The following ZNF763 variants were observed in gnomAD, a reference collection of about 807,000 sequenced individuals.
ZNF763 encodes zinc finger protein 763.
In ZNF763, 33 loss-of-function variants were observed where a neutral mutation model predicts 38.0. That is an observed-to-expected ratio of 0.87 (90% confidence interval 0.66 to 1.16). The LOEUF (loss-of-function observed/expected upper bound fraction) is 1.16, where lower values mean the gene tolerates loss of function less well. Among genes scored for constraint, ZNF763 ranks in the 50% most tolerant of loss-of-function variants. ZNF763 has a pLI of 0.00. For missense variants in ZNF763, 423 were observed against 469.1 expected (o/e 0.90, Z 0.91); for synonymous variants, 155 against 160.1 (o/e 0.97, Z 0.24).
At chr19:11,978,086 C>T in intron 3 of ZNF763, 30 bp from the exon 4 acceptor site, 1 of 1,598,264 alleles carries the variant, frequency 6.3e-7, no homozygotes, top group South Asian at 1.1e-5. Context: ...ACTCATAAAC[C>T]CTTCATAATG....
intron 1 of ZNF763, among the ~76,000 whole-genome samples, chr19:11,968,677 G>A (rs1054855291): frequency 1.3e-5 from 2 of 152,120 alleles, no homozygotes; most frequent in African/African-American, 4.8e-5. Flanking sequence ...TAGCCATGGA[G>A]TCTTTGTGTG....
In ZNF763 at chr19:11,980,200, T is replaced by C; in HGVS notation, c.*1091T>C. On this transcript the variant is annotated 3_prime_UTR_variant, in exon 4 of 4. Coordinates refer to ENST00000358987, the MANE Select transcript of ZNF763 (RefSeq NM_001367172.2). ...TTCAAGACTGGCCTGATCAATATGA[T>C]GAAACCCCTGTCTCTACTAAAACTA... The C allele has an allele frequency of 2.1e-6, 1 of 478,140 alleles. No homozygotes were observed. Among genetic ancestry groups the C allele is most frequent in the African/African-American group, 2.0e-5 (1 of 49,926 alleles). The allele number at this position is 478,140 out of a possible 1,614,324, so 29.6% of individuals were successfully genotyped here.
chr19:11,979,010 C>A lies in ZNF763; in HGVS notation c.1086C>A (p.His362Gln), dbSNP rs149371993. The A allele has an allele frequency of 6.2e-7, 1 of 1,614,200 alleles. No individual in the cohort carries two copies. Among genetic ancestry groups the A allele is most frequent in the East Asian group, 2.2e-5 (1 of 44,888 alleles). Residue 362 changes from histidine to glutamine, a missense_variant, in exon 4 of 4, where the codon CAC becomes CAA. By Grantham distance (24) the His-to-Gln change is conservative. Coordinates refer to ENST00000358987, the MANE Select transcript of ZNF763 (RefSeq NM_001367172.2). ...PSSLRRHERT[H>Q]SAKKPYECKQ... ...CCCTTCGTAGACATGAAAGGACCCACTCTGCGAAAAAACCTTATGAATGTA... is the reference window on the plus strand; with the variant it reads ...CCCTTCGTAGACATGAAAGGACCCAATCTGCGAAAAAACCTTATGAATGTA...
At chr19:11,966,174 G>T (rs1043787532) in intron 1 of ZNF763, among the ~76,000 whole-genome samples, 4 of 152,158 alleles carry the variant, frequency 2.6e-5, no homozygotes, top group African/African-American at 9.7e-5. Flanking sequence ...GCCACAAGGA[G>T]TCTGTTTTTC....
chr19:11,978,545 A>G lies in ZNF763; in HGVS notation c.621A>G (p.Lys207=), dbSNP rs1161629646. ...CTTATAAATGTAAGTTTTGTGGGAAAGCTGTCCATTGTCTCAGATTATATC... is the reference window on the plus strand; with the variant it reads ...CTTATAAATGTAAGTTTTGTGGGAAGGCTGTCCATTGTCTCAGATTATATC... ...DGPYKCKFCG[K]AVHCLRLYLI... Residue 207 remains lysine, a synonymous_variant, in exon 4 of 4, where the codon AAA becomes AAG. Coordinates refer to ENST00000358987, the MANE Select transcript of ZNF763 (RefSeq NM_001367172.2). 3.7e-6 allele frequency: 6 copies of G among 1,614,116 alleles called. No homozygotes were observed. The highest frequency in any genetic ancestry group is 1.3e-5 in the African/African-American group (1 of 74,950).
rs1019621036 is a variant in ZNF763 at position 11,967,016 on chromosome 19, A to G, written c.3+1805A>G. On this transcript the variant is annotated intron_variant, in intron 1 of 3. Coordinates refer to ENST00000358987, the MANE Select transcript of ZNF763 (RefSeq NM_001367172.2). ...AGGAAGGAATTCAAGACAAGTCGCAATGTACAGTGTGTAGAGAGTTTATTG... is the reference window on the plus strand; with the variant it reads ...AGGAAGGAATTCAAGACAAGTCGCAGTGTACAGTGTGTAGAGAGTTTATTG... 3.3e-5 allele frequency among the ~76,000 whole-genome samples: 5 copies of G among 152,290 alleles called. No homozygotes were observed. The East Asian group carries it at 7.7e-4, about 24-fold the overall frequency.
chr19:11,977,221 A>T, intron 2 of ZNF763, 57 bp downstream of exon 2: 1 of 1,609,428 alleles, frequency 6.2e-7, no homozygotes, highest in Non-Finnish European at 8.5e-7. Context: ...TTTCTAGCTC[A>T]TGAATGCTGT....
rs941918045 is a variant in ZNF763, at chr19:11,980,027, C to T, written c.*918C>T. 70 of 1,084,490 alleles carry T rather than the reference C, an allele frequency of 6.5e-5. No individual in the cohort carries two copies. The African/African-American group carries it at 8.2e-4, about 13-fold the overall frequency. 67.2% of individuals were successfully genotyped at this position (1,084,490 alleles called of 1,614,324 possible). On this transcript the variant is annotated 3_prime_UTR_variant, in exon 4 of 4. Coordinates refer to ENST00000358987, the MANE Select transcript of ZNF763 (RefSeq NM_001367172.2). ...AGCCTTTATTTCTTTCACTTCTTTT[C>T]GATAACATGAAAGGACTCACACTGG... is the stretch of plus-strand genomic sequence containing the variant.
intron 1 of ZNF763, 106 bp downstream of exon 1, chr19:11,965,317 C>T (rs1973202449): frequency 1.3e-6 from 2 of 1,511,704 alleles, no homozygotes; most frequent in East Asian, 4.7e-5. Context: ...ACTCCAGGGT[C>T]TGGGACCGAG....
rs1973581660 is a variant in ZNF763, at chr19:11,979,778, A to G, written c.*669A>G. On this transcript the variant is annotated 3_prime_UTR_variant, in exon 4 of 4. Coordinates refer to ENST00000358987, the MANE Select transcript of ZNF763 (RefSeq NM_001367172.2). ...CCTTCGAATCCATGGTAGAACTCACACTGGAGAGAAACCCTATGAGTGTAA... is the reference window on the plus strand; with the variant it reads ...CCTTCGAATCCATGGTAGAACTCACGCTGGAGAGAAACCCTATGAGTGTAA... 1 of 1,580,918 alleles carries G rather than the reference A, an allele frequency of 6.3e-7. No homozygotes were observed. The highest frequency in any genetic ancestry group is 8.7e-7 in the Non-Finnish European group (1 of 1,152,456).
intron 1 of ZNF763, among the ~76,000 whole-genome samples, chr19:11,975,690 T>G (rs1973475161): frequency 6.6e-6 from 1 of 152,134 alleles, no homozygotes; most frequent in Admixed American, 6.6e-5. Flanking sequence ...GCCTTTAAGA[T>G]GTTACTTTCT....
At chr19:11,966,807 G>A (rs279278) in intron 1 of ZNF763, among the ~76,000 whole-genome samples, 5,292 of 152,236 alleles carry the variant, frequency 0.035, 331 homozygotes, top group African/African-American at 0.12. Flanking sequence ...CGAAATAATC[G>A]AAAGGTTCAG....
intron 1 of ZNF763, among the ~76,000 whole-genome samples, chr19:11,966,757 G>T (rs1284044584): frequency 6.6e-6 from 1 of 152,106 alleles, no homozygotes; most frequent in Non-Finnish European, 1.5e-5. Flanking sequence ...ATGCTTGATT[G>T]GTTGCAGAGA....
chr19:11,979,028 T>C lies in ZNF763; in HGVS notation c.1104T>C (p.Tyr368=), dbSNP rs1351537684. 1 of 1,614,196 alleles carries C rather than the reference T, an allele frequency of 6.2e-7. No homozygotes were observed. Among genetic ancestry groups the C allele is most frequent in the Admixed American group, 1.7e-5 (1 of 60,018 alleles). The change falls in exon 4 of 4, where the codon TAT becomes TAC. Residue 368 remains tyrosine, a synonymous_variant. Coordinates refer to ENST00000358987, the MANE Select transcript of ZNF763 (RefSeq NM_001367172.2). The stretch of plus-strand genomic sequence containing the variant: ...GGACCCACTCTGCGAAAAAACCTTA[T>C]GAATGTAAGCAGTGTGGGAAAGCAT... ...HERTHSAKKP[Y]ECKQCGKALS...
intron 2 of ZNF763, 60 bp from the exon 3 acceptor site, chr19:11,977,311 T>A: frequency 1.9e-6 from 3 of 1,606,028 alleles, no homozygotes; most frequent in Non-Finnish European, 2.5e-6. Flanking sequence ...ACATAGAATC[T>A]AATAATTTTT....
chr19:11,967,698 C>T (rs576730761), intron 1 of ZNF763, among the ~76,000 whole-genome samples: 100 of 151,944 alleles, frequency 6.6e-4, no homozygotes, highest in Non-Finnish European at 9.9e-4. Flanking sequence ...CCACCATGTC[C>T]GGCCCCTGTC....
At chr19:11,967,264 A>C (rs889962685) in intron 1 of ZNF763, among the ~76,000 whole-genome samples, 1 of 152,164 alleles carries the variant, frequency 6.6e-6, no homozygotes, top group African/African-American at 2.4e-5. Context: ...TGAACCCAGG[A>C]GGCAGAAGTT....
intron 1 of ZNF763, among the ~76,000 whole-genome samples, chr19:11,966,036 G>A (rs60722046): frequency 0.083 from 12,663 of 152,140 alleles, 573 homozygotes; most frequent in Middle Eastern, 0.099. Flanking sequence ...AAGGGGGTCT[G>A]TTATCTGCCA....
At chr19:11,967,244 G>T (rs139562956) in intron 1 of ZNF763, among the ~76,000 whole-genome samples, 1 of 152,250 alleles carries the variant, frequency 6.6e-6, no homozygotes, top group Admixed American at 6.5e-5. Flanking sequence ...GCTTAAGTGG[G>T]AGAATCACTT....
Sources: allele counts gnomAD v4.1 joint callset (sites outside exome capture counted in the v4.1 genomes callset), GRCh38; gene constraint gnomAD v4.1.1; transcripts MANE v1.5; gene names NCBI Gene and HGNC (gene_info 2026-07-23, HGNC 2026-07-21).